Variants in MTFR1 observed in about 807,000 individuals in gnomAD.
MTFR1 encodes chondrocyte protein with a poly-proline region.
MTFR1 carries 28 observed loss-of-function variants against 38.8 expected under a neutral mutation model. That is an observed-to-expected ratio of 0.72 (90% CI 0.53 to 0.99). The LOEUF is 0.99. MTFR1 is among the 50% of genes least tolerant of loss of function. The pLI, the probability that MTFR1 is intolerant of heterozygous loss-of-function variation, is 0.00. For missense variants in MTFR1, 358 were observed against 395.5 expected, an observed-to-expected ratio of 0.91 and a Z score of 0.81; for synonymous variants, 145 against 137.0, an observed-to-expected ratio of 1.06 and a Z score of -0.41.
intron 2 of MTFR1, among the ~76,000 whole-genome samples, chr8:65,675,708 A>G (rs906807738): frequency 6.6e-6 from 1 of 152,248 alleles, no homozygotes; most frequent in Non-Finnish European, 1.5e-5. Flanking sequence ...AAACAGAAGC[A>G]TAGAGGGGTG....
At chr8:65,722,939 G>A (rs983399544) in intron 3 of MTFR1, 3 of 152,220 alleles carry the variant, frequency 2.0e-5, no homozygotes, top group Middle Eastern at 3.2e-3. Flanking sequence ...AAGCACTGGC[G>A]AGGCACAAAG....
chr8:65,761,068 T>A (rs1446041360), intron 3 of MTFR1, among the ~76,000 whole-genome samples: 3 of 151,942 alleles, frequency 2.0e-5, no homozygotes, highest in Non-Finnish European at 2.9e-5. Context: ...TTTTTTCTTT[T>A]TTTTTTTTTT....
At chr8:65,674,272 G>C (rs545070615) in intron 2 of MTFR1, among the ~76,000 whole-genome samples, 1 of 151,490 alleles carries the variant, frequency 6.6e-6, no homozygotes, top group Non-Finnish European at 1.5e-5. Flanking sequence ...AGCATTCCAA[G>C]AGTGAAAACT....
chr8:65,655,974 T>TATAC, intron 1 of MTFR1, among the ~76,000 whole-genome samples: 1 of 80,556 alleles, frequency 1.2e-5, no homozygotes, highest in African/African-American at 5.6e-5. Context: ...ATATACCATA[T>TATAC]ATATATATAT....
intron 3 of MTFR1, among the ~76,000 whole-genome samples, chr8:65,758,551 C>A (rs1179278428): frequency 6.6e-6 from 1 of 152,220 alleles, no homozygotes; most frequent in Non-Finnish European, 1.5e-5. Context: ...TAGTCCCACT[C>A]ATGCTGAATG....
intron 1 of MTFR1, among the ~76,000 whole-genome samples, chr8:65,665,947 C>G (rs1007366773): frequency 9.2e-5 from 14 of 152,212 alleles, no homozygotes; most frequent in African/African-American, 3.4e-4. Flanking sequence ...TCTGTGAGTA[C>G]TGTTCCTATC....
chr8:65,755,775 C>A (rs1010178486), intron 3 of MTFR1, among the ~76,000 whole-genome samples: 2 of 152,164 alleles, frequency 1.3e-5, no homozygotes, highest in Admixed American at 1.3e-4. Context: ...TCATAAAGAA[C>A]TCCCTTTAGC....
At chr8:65,659,472 G>T (rs1270709108) in intron 1 of MTFR1, among the ~76,000 whole-genome samples, 5 of 139,568 alleles carry the variant, frequency 3.6e-5, no homozygotes, top group South Asian at 2.3e-4. Context: ...CTTTGCCTCT[G>T]TGTCACTCCC....
chr8:65,710,021 T>G lies in MTFR1; in HGVS notation c.*977T>G, dbSNP rs1805899009. The G allele has an allele frequency of 6.6e-6, 1 of 152,258 alleles. No homozygotes were observed. The highest frequency in any genetic ancestry group is 1.5e-5 in the Non-Finnish European group (1 of 68,026). 9.4% of individuals were successfully genotyped at this position (152,258 alleles called of 1,614,324 possible). The stretch of plus-strand genomic sequence containing the variant: ...TATTACGCAACATAAACCATAGGTG[T>G]TATTAGAAGTGGAGAACTGCCTTTT... On this transcript the variant is annotated 3_prime_UTR_variant, in exon 8 of 8. Transcript: ENST00000262146.
chr8:65,714,128 T>C (rs981332139), downstream of MTFR1, among the ~76,000 whole-genome samples: 9 of 151,582 alleles, frequency 5.9e-5, no homozygotes, highest in African/African-American at 1.9e-4. Flanking sequence ...GTTGCACTTA[T>C]TATTCTGTCA....
intron 6 of MTFR1, 142 bp from the exon 7 acceptor site, chr8:65,707,701 C>G: frequency 9.6e-7 from 1 of 1,046,080 alleles, no homozygotes; most frequent in Non-Finnish European, 1.4e-6. Context: ...GCTTCCATCT[C>G]AATGCTAGCA....
At chr8:65,735,113 G>T (rs1046196709) in intron 3 of MTFR1, among the ~76,000 whole-genome samples, 1 of 152,070 alleles carries the variant, frequency 6.6e-6, no homozygotes, top group South Asian at 2.1e-4. Context: ...AACAGACTAG[G>T]CTTCGGGGTG....
intron 2 of MTFR1, among the ~76,000 whole-genome samples, chr8:65,670,756 G>A (rs1361438990): frequency 6.6e-6 from 1 of 150,548 alleles, no homozygotes; most frequent in Non-Finnish European, 1.5e-5. Flanking sequence ...CCAGGCTGGA[G>A]TACAGTGGAG....
At chr8:65,645,086 C>T (rs1433939809) in intron 1 of MTFR1, among the ~76,000 whole-genome samples, 1 of 152,204 alleles carries the variant, frequency 6.6e-6, no homozygotes, top group Non-Finnish European at 1.5e-5. Flanking sequence ...ACACCTCCTG[C>T]CCCCTCCCCC....
intron 4 of MTFR1, among the ~76,000 whole-genome samples, chr8:65,704,187 G>A (rs1805709528): frequency 6.6e-6 from 1 of 152,106 alleles, no homozygotes; most frequent in Non-Finnish European, 1.5e-5. Flanking sequence ...TAATTAAATT[G>A]TTTTGTCAAA....
At chr8:65,762,429 G>A (rs1028638820) in intron 3 of MTFR1, among the ~76,000 whole-genome samples, 2 of 152,146 alleles carry the variant, frequency 1.3e-5, no homozygotes, top group Non-Finnish European at 2.9e-5. Context: ...GACATGGAGA[G>A]GCAGAGCAGC....
At chr8:65,723,279 G>A (rs1473347343) in intron 3 of MTFR1, 2 of 215,994 alleles carry the variant, frequency 9.3e-6, no homozygotes, top group Non-Finnish European at 8.9e-6. Flanking sequence ...TTCCACATGA[G>A]CGAATAATGG....
At chr8:65,677,648 G>A (rs1804753068) in intron 2 of MTFR1, among the ~76,000 whole-genome samples, 1 of 151,582 alleles carries the variant, frequency 6.6e-6, no homozygotes, top group Admixed American at 6.6e-5. Flanking sequence ...CCAAAATGCT[G>A]GGATTACAGG....
intron 1 of MTFR1, among the ~76,000 whole-genome samples, chr8:65,665,301 T>A (rs979465435): frequency 2.0e-5 from 3 of 152,148 alleles, no homozygotes; most frequent in African/African-American, 7.2e-5. Context: ...TGCCAGTTAT[T>A]TCCAGCTTTG....
Sources: gnomAD v4.1 joint callset for allele counts (sites outside exome capture counted in the v4.1 genomes callset) on GRCh38, gnomAD v4.1.1 for gene constraint, MANE v1.5 for transcripts, NCBI Gene and HGNC (gene_info 2026-07-23, HGNC 2026-07-21) for gene names.